The following PRKCQ variants were observed in gnomAD, a reference collection of about 807,000 sequenced individuals.
PRKCQ encodes the protein protein kinase C theta type.
Under a neutral mutation model 91.2 loss-of-function variants are expected in PRKCQ, and 41 were observed. The ratio of observed to expected loss-of-function variants is 0.45; its 90% CI spans 0.35 to 0.58. PRKCQ has a LOEUF of 0.58. PRKCQ is among the 20% of genes least tolerant of loss of function. The pLI, the probability that PRKCQ is intolerant of heterozygous loss-of-function variation, is 0.00. For synonymous variants in PRKCQ, 307 were observed against 316.9 expected (o/e 0.97, Z 0.33); for missense variants, 673 against 896.5 (o/e 0.75, Z 3.18).
chr10:6,472,820 A>C (rs1360149814), intron 12 of PRKCQ, among the ~76,000 whole-genome samples: 1 of 151,982 alleles, frequency 6.6e-6, no homozygotes, highest in Non-Finnish European at 1.5e-5. Flanking sequence ...TCAAGTGATT[A>C]TCCTGCCTCA....
At chr10:6,396,687 T>C in the PRKCQ span, among the ~76,000 whole-genome samples, 15 of 152,256 alleles carry the variant, frequency 9.9e-5, no homozygotes, top group African/African-American at 3.4e-4. Context: ...CATTCATCAG[T>C]TGATGCACAT....
intron 14 of PRKCQ, among the ~76,000 whole-genome samples, chr10:6,457,597 T>C (rs1251973400): frequency 1.6e-4 from 25 of 152,200 alleles, no homozygotes; most frequent in Non-Finnish European, 3.5e-4. Context: ...AGGGCAAACA[T>C]TCTGGCCTCT....
chr10:6,527,878 T>C (rs1253438515), intron 1 of PRKCQ, among the ~76,000 whole-genome samples: 1 of 152,204 alleles, frequency 6.6e-6, no homozygotes, highest in African/African-American at 2.4e-5. Context: ...GCTTAACTTC[T>C]AAAACTGAGT....
chr10:6,472,484 T>C (rs983234927), intron 12 of PRKCQ, among the ~76,000 whole-genome samples: 1 of 152,224 alleles, frequency 6.6e-6, no homozygotes, highest in Admixed American at 6.5e-5. Context: ...GAGTGCAACA[T>C]TAATTTCCCA....
chr10:6,423,225 A>G (rs1446862662), downstream of PRKCQ, among the ~76,000 whole-genome samples: 1 of 152,188 alleles, frequency 6.6e-6, no homozygotes, highest in Non-Finnish European at 1.5e-5. Context: ...GCAGGAGCAG[A>G]CATCAGGCAT....
chr10:6,490,025 T>A (rs1564345700), intron 8 of PRKCQ, among the ~76,000 whole-genome samples: 1 of 152,088 alleles, frequency 6.6e-6, no homozygotes, highest in Non-Finnish European at 1.5e-5. Flanking sequence ...ACCGTCAGGA[T>A]GCAGGATGCC....
intron 1 of PRKCQ, among the ~76,000 whole-genome samples, chr10:6,558,292 G>GC (rs1840498125): frequency 6.6e-6 from 1 of 152,134 alleles, no homozygotes; most frequent in Non-Finnish European, 1.5e-5. Flanking sequence ...CTTCTGAATA[G>GC]CCTTGAAATT....
chr10:6,527,162 G>A (rs1463557563), intron 1 of PRKCQ, among the ~76,000 whole-genome samples: 1 of 152,190 alleles, frequency 6.6e-6, no homozygotes, highest in Non-Finnish European at 1.5e-5. Context: ...TTGAGATATG[G>A]AGAATACAGT....
the PRKCQ span, among the ~76,000 whole-genome samples, chr10:6,395,296 C>T: frequency 2.6e-5 from 4 of 151,078 alleles, no homozygotes; most frequent in African/African-American, 9.7e-5. Flanking sequence ...GATCTCCTGA[C>T]CTCGTGATCC....
At chr10:6,440,494 G>T (rs1418646101) in intron 16 of PRKCQ, among the ~76,000 whole-genome samples, 2 of 152,128 alleles carry the variant, frequency 1.3e-5, no homozygotes, top group African/African-American at 2.4e-5. Flanking sequence ...AATAAGAACT[G>T]TTTTTTTCTG....
chr10:6,481,268 T>C (rs1242283991), intron 11 of PRKCQ, among the ~76,000 whole-genome samples: 1 of 152,240 alleles, frequency 6.6e-6, no homozygotes, highest in Non-Finnish European at 1.5e-5. Context: ...GAAATCCACA[T>C]GGGAACAAAG....
At chr10:6,549,320 G>C (rs542950132) in intron 1 of PRKCQ, among the ~76,000 whole-genome samples, 1 of 152,174 alleles carries the variant, frequency 6.6e-6, no homozygotes, top group African/African-American at 2.4e-5. Context: ...TGTAGATAGG[G>C]AGGAAGTACG....
chr10:6,414,150 G>A, the PRKCQ span, among the ~76,000 whole-genome samples: 1 of 152,202 alleles, frequency 6.6e-6, no homozygotes, highest in Non-Finnish European at 1.5e-5. Flanking sequence ...AGGTAGAACA[G>A]AGAGTCCAGA....
intron 1 of PRKCQ, among the ~76,000 whole-genome samples, chr10:6,577,918 A>G (rs909738182): frequency 5.9e-5 from 9 of 152,186 alleles, no homozygotes; most frequent in Non-Finnish European, 1.3e-4. Flanking sequence ...ACAAGCCCAT[A>G]CTCTTGAAAG....
intron 16 of PRKCQ, among the ~76,000 whole-genome samples, chr10:6,437,172 A>G (rs1302830688): frequency 6.6e-6 from 1 of 152,174 alleles, no homozygotes. Context: ...CTTTGGACTG[A>G]ATGGCGTCCT....
At chr10:6,448,387 G>C (rs1834442576) in intron 15 of PRKCQ, among the ~76,000 whole-genome samples, 1 of 151,446 alleles carries the variant, frequency 6.6e-6, no homozygotes, top group Admixed American at 6.6e-5. Flanking sequence ...GAGGCACAGT[G>C]TGGCCTGGCC....
intron 1 of PRKCQ, among the ~76,000 whole-genome samples, chr10:6,547,820 G>A (rs1319655552): frequency 6.6e-6 from 1 of 151,362 alleles, no homozygotes; most frequent in Non-Finnish European, 1.5e-5. Context: ...ACATAGGCAT[G>A]GGCAAGGACT....
intron 1 of PRKCQ, among the ~76,000 whole-genome samples, chr10:6,536,743 C>G (rs1839597553): frequency 6.6e-6 from 1 of 152,166 alleles, no homozygotes; most frequent in Non-Finnish European, 1.5e-5. Flanking sequence ...CCCAAATCAT[C>G]TTCCCGACAC....
Position 6,428,023 on chromosome 10 carries a change from C to T in PRKCQ, c.*184G>A, listed in dbSNP as rs1042475465. On this transcript the variant is annotated 3_prime_UTR_variant, in exon 18 of 18. Transcript: ENST00000263125. Reference sequence around the variant, plus strand: ...TGTCAGGAGACGAGACACACGGCATCGTCATTAGTGAAGTAGACTTGGTTT... The same window carrying T: ...TGTCAGGAGACGAGACACACGGCATTGTCATTAGTGAAGTAGACTTGGTTT... The T allele has an allele frequency of 1.9e-5, 13 of 678,346 alleles. No individual in the cohort carries two copies. The highest frequency in any genetic ancestry group is 1.6e-4 in the African/African-American group (9 of 55,200). 42.0% of individuals were successfully genotyped at this position (678,346 alleles called of 1,614,324 possible).
Sources: allele counts gnomAD v4.1 joint callset (sites outside exome capture counted in the v4.1 genomes callset), GRCh38; gene constraint gnomAD v4.1.1; transcripts MANE v1.5; gene names NCBI Gene and HGNC (gene_info 2026-07-23, HGNC 2026-07-21).